The following ASPM variants were observed in gnomAD, a reference collection of about 807,000 sequenced individuals.
ASPM encodes assembly factor for spindle microtubules.
In ASPM, 256 loss-of-function variants were observed where a neutral mutation model predicts 366.4. The observed-to-expected ratio is 0.70, with a 90% CI of 0.63 to 0.77. ASPM has a LOEUF of 0.77. Among genes scored for constraint, ASPM ranks in the 30% least tolerant of loss-of-function variants. The pLI, the probability that ASPM is intolerant of heterozygous loss-of-function variation, is 0.00. For missense variants in ASPM, 4,146 were observed against 4,090.4 expected (o/e 1.01, Z -0.37); for synonymous variants, 1,414 against 1,342.9 (o/e 1.05, Z -1.16).
chr1:197,135,387 A>G (rs1658386440), intron 4 of ASPM, 145 bp from the exon 5 acceptor site: 2 of 841,262 alleles, frequency 2.4e-6, no homozygotes, highest in Non-Finnish European at 3.9e-6. Flanking sequence ...AAGAGCTGAA[A>G]GCATTTTGGG....
chr1:197,141,900 A>G (rs1489832167), intron 3 of ASPM, among the ~76,000 whole-genome samples: 1 of 152,178 alleles, frequency 6.6e-6, no homozygotes, highest in Non-Finnish European at 1.5e-5. Context: ...TGCCTCTCAC[A>G]TAGGCTCATA....
intron 21 of ASPM, among the ~76,000 whole-genome samples, chr1:197,092,553 C>T (rs1422621184): frequency 1.3e-5 from 2 of 151,924 alleles, no homozygotes; most frequent in African/African-American, 4.8e-5. Flanking sequence ...AAAATACAAA[C>T]ATTCCTCCTA....
At chr1:197,135,263 C>T (rs1658382198) in intron 4 of ASPM, 21 bp from the exon 5 acceptor site, 1 of 1,612,998 alleles carries the variant, frequency 6.2e-7, no homozygotes, top group South Asian at 1.1e-5. Context: ...AATTAGGTTA[C>T]TGCATAACAA....
In ASPM at chr1:197,139,188, TCA is replaced by T. The variant is rs1658508004; in HGVS notation, c.2026+577_2026+578del. On this transcript the variant is annotated intron_variant, in intron 4 of 27. Coordinates refer to ENST00000367409, the MANE Select transcript of ASPM (RefSeq NM_018136.5). ...AAGCATATCTTGGAGCTTAACGAAGTCACAGTGATTTTCATTTTCCACTTGGA... is the reference window on the plus strand; with the variant it reads ...AAGCATATCTTGGAGCTTAACGAAGTCAGTGATTTTCATTTTCCACTTGGA... 7.3e-6 allele frequency: 7 copies of T among 963,962 alleles called. No individual in the cohort carries two copies. In the East Asian group the frequency reaches 1.4e-4, roughly 20 times the overall value. The allele number at this position is 963,962 out of a possible 1,614,324, so 59.7% of individuals were successfully genotyped here.
intron 18 of ASPM, among the ~76,000 whole-genome samples, chr1:197,100,055 C>A (rs952576046): frequency 2.6e-5 from 4 of 151,666 alleles, no homozygotes. Context: ...ATTAGAGGAA[C>A]AAAGTTACTC....
rs566981327 is a variant in ASPM at position 197,129,943 on chromosome 1, G to C, written c.2601C>G (p.His867Gln). The C allele has an allele frequency of 3.1e-6, 5 of 1,613,956 alleles. No homozygotes were observed. In the Admixed American group the frequency reaches 5.0e-5, roughly 16 times the overall value. The part of the protein sequence containing the change: ...WNPDIAAEYR[H>Q]PTVPHLYRDG... ...CTCTATACAGGTGAGGAACAGTGGG[G>C]TGTCTATACTCAGCTGCTATATCAG... is the stretch of plus-strand genomic sequence containing the variant. The change falls in exon 8 of 28, where the codon CAC (histidine) becomes CAG (glutamine). Residue 867 changes from histidine to glutamine, a missense_variant. His to Gln is a conservative substitution (Grantham distance 24, BLOSUM62 0). Coordinates refer to ENST00000367409, the MANE Select transcript of ASPM (RefSeq NM_018136.5).
Position 197,124,334 on chromosome 1 carries a change from AAAAC to A in ASPM, c.3169-7_3169-4del, listed in dbSNP as rs764558303. On this transcript the variant is annotated splice_region_variant and splice_polypyrimidine_tract_variant and intron_variant, in intron 12 of 27. Transcript: ENST00000367409. ...TCTAAGTTAAGGGAAATATCCACCTAAAACAAACACAAAAAAAGATAAATACCTT... is the reference window on the plus strand; with the variant it reads ...TCTAAGTTAAGGGAAATATCCACCTAAAACACAAAAAAAGATAAATACCTT... 3 of 1,540,146 alleles carry A rather than the reference AAAAC, an allele frequency of 1.9e-6. No individual in the cohort carries two copies. Among genetic ancestry groups the A allele is most frequent in the South Asian group, 1.1e-5 (1 of 87,798 alleles).
At chr1:197,091,331 A>AT (rs908981843) in intron 22 of ASPM, among the ~76,000 whole-genome samples, 22 of 151,784 alleles carry the variant, frequency 1.4e-4, no homozygotes, top group Non-Finnish European at 2.4e-4. Context: ...ATCATTCTGC[A>AT]TTTTTTTTAC....
chr1:197,084,897 A>T (rs978037282), intron 27 of ASPM, among the ~76,000 whole-genome samples: 1 of 152,258 alleles, frequency 6.6e-6, no homozygotes, highest in African/African-American at 2.4e-5. Flanking sequence ...CGACCACTGA[A>T]ATCTTGAGAC....
intron 17 of ASPM, among the ~76,000 whole-genome samples, chr1:197,114,364 T>C (rs990307731): frequency 2.6e-5 from 4 of 152,178 alleles, no homozygotes; most frequent in African/African-American, 9.6e-5. Context: ...TTATTGTAGG[T>C]GGCTTTGGCA....
At chr1:197,146,016 T>A in intron 1 of ASPM, 125 bp downstream of exon 1, 1 of 1,254,016 alleles carries the variant, frequency 8.0e-7, no homozygotes, top group Non-Finnish European at 1.2e-6. Context: ...GAAAGGGAAC[T>A]GACTTTATTC....
chr1:197,102,630 T>A lies in ASPM; in HGVS notation c.6621A>T (p.Thr2207=). ...QSNYRRYRQQ[T]YFNKLKKITK... ...TTATTTTCTTTAACTTATTAAAGTATGTTTGCTGTCTGTATCTTCTGTAGT... is the reference window on the plus strand; with the variant it reads ...TTATTTTCTTTAACTTATTAAAGTAAGTTTGCTGTCTGTATCTTCTGTAGT... The change falls in exon 18 of 28, where the codon ACA becomes ACT. Residue 2207 remains threonine (T), a synonymous_variant. Transcript: ENST00000367409. 6.2e-7 allele frequency: 1 copy of A among 1,612,748 alleles called. No individual in the cohort carries two copies. Among genetic ancestry groups the A allele is most frequent in the Non-Finnish European group, 8.5e-7 (1 of 1,179,294 alleles).
At chr1:197,092,990 A>G (rs956946388) in intron 21 of ASPM, 62 bp downstream of exon 21, 2 of 1,376,932 alleles carry the variant, frequency 1.5e-6, no homozygotes, top group African/African-American at 1.4e-5. Flanking sequence ...GTTTCTTAAC[A>G]CTATTTAACA....
intron 6 of ASPM, among the ~76,000 whole-genome samples, chr1:197,132,742 A>G (rs1658301293): frequency 6.7e-6 from 1 of 149,300 alleles, no homozygotes; most frequent in Non-Finnish European, 1.5e-5. Context: ...ATATATACAA[A>G]TAAATATATA....
rs778859631 is a variant in ASPM at position 197,102,543 on chromosome 1, A to T, written c.6708T>A (p.Tyr2236Ter). Residue 2236 changes from tyrosine (Y) to a stop codon, truncating the protein, a stop_gained, in exon 18 of 28, where the codon TAT becomes TAA. Coordinates refer to ENST00000367409, the MANE Select transcript of ASPM (RefSeq NM_018136.5). LOFTEE classifies it high-confidence loss of function. Reference sequence around the variant, plus strand: ...ATATTACAGAATGCCTCAGTTTGTTATACCTTTGAAATTGTATGTTTCTTT... The same window carrying T: ...ATATTACAGAATGCCTCAGTTTGTTTTACCTTTGAAATTGTATGTTTCTTT... ...MKERNIQFQRYNKLRHSVIYI... is the reference protein window; with the variant it reads ...MKERNIQFQR 1.9e-6 allele frequency: 3 copies of T among 1,612,336 alleles called. No individual in the cohort carries two copies. Among genetic ancestry groups the T allele is most frequent in the Non-Finnish European group, 2.5e-6 (3 of 1,179,212 alleles).
Position 197,102,937 on chromosome 1 carries a change from C to T in ASPM, c.6314G>A (p.Arg2105Lys), listed in dbSNP as rs1379947719. The change falls in exon 18 of 28, where the codon AGA becomes AAA. Residue 2105 changes from arginine (R) to lysine (K), a missense_variant. By Grantham distance (26) the Arg-to-Lys change is conservative (BLOSUM62 2). Around this residue, in one of 3 missense-constraint regions of ASPM, gnomAD observed 3,624 missense variants for 3,591.7 expected, o/e 1.01. Transcript: ENST00000367409. ...KTAIKIQSVY[R>K]GIRVRRHIQH... ...AATATGTCTTCTAACTCTAATACCT[C>T]TATAAACAGATTGGATTTTAATTGC... is the stretch of plus-strand genomic sequence containing the variant. The T allele has an allele frequency of 6.2e-7, 1 of 1,612,468 alleles. No individual in the cohort carries two copies. Among genetic ancestry groups the T allele is most frequent in the East Asian group, 2.2e-5 (1 of 44,816 alleles).
At position 197,135,162 on chromosome 1, in the gene ASPM, A is replaced by C. The variant is rs377761932; in HGVS notation, c.2107T>G (p.Phe703Val). ...AATATAAAATTTAACCACCAAGTGA[A>C]GCCCTGTTCCTGCTTTTCCTTCCAG... ...ERWKEKQEQG[F>V]TWWLNFILTP... The change falls in exon 5 of 28, where the codon TTC becomes GTC. Residue 703 changes from phenylalanine (F) to valine (V), a missense_variant. By Grantham distance (50) the Phe-to-Val change is conservative. Coordinates refer to ENST00000367409, the MANE Select transcript of ASPM (RefSeq NM_018136.5). 6.2e-7 allele frequency: 1 copy of C among 1,613,276 alleles called. No individual in the cohort carries two copies. Among genetic ancestry groups the C allele is most frequent in the Non-Finnish European group, 8.5e-7 (1 of 1,179,256 alleles).
Position 197,104,375 on chromosome 1 carries a change from G to T in ASPM, c.4876C>A (p.Leu1626Ile), listed in dbSNP as rs532133220. Residue 1626 changes from leucine to isoleucine, a missense_variant, in exon 18 of 28, where the codon CTA (leucine) becomes ATA (isoleucine). Physicochemically the swap from Leu to Ile is conservative, Grantham distance 5. Coordinates refer to ENST00000367409, the MANE Select transcript of ASPM (RefSeq NM_018136.5). ...GAGCGTGTTTTCTGGTAAGATGCTA[G>T]AACTTTCATGGCAAAAATATAAGCT... Reference protein sequence around the residue: ...FRAYIFAMKVLASYQKTRSAV... With the variant: ...FRAYIFAMKVIASYQKTRSAV... 1 of 1,613,078 alleles carries T rather than the reference G, an allele frequency of 6.2e-7. No homozygotes were observed. Among genetic ancestry groups the T allele is most frequent in the African/African-American group, 1.3e-5 (1 of 74,954 alleles).
chr1:197,145,939 G>C (rs933503248), intron 1 of ASPM, among the ~76,000 whole-genome samples: 2 of 151,776 alleles, frequency 1.3e-5, no homozygotes, highest in African/African-American at 4.9e-5. Context: ...TATTGAAAAG[G>C]AACTGACTTC....
Sources: gnomAD v4.1 joint callset for allele counts (sites outside exome capture counted in the v4.1 genomes callset) on GRCh38, gnomAD v4.1.1 for gene constraint, gnomAD v4.1.1 regional missense constraint, MANE v1.5 for transcripts, NCBI Gene and HGNC (gene_info 2026-07-23, HGNC 2026-07-21) for gene names.